MYO3B: variants seen among roughly 807,000 people sequenced by gnomAD.
MYO3B encodes myosin-IIIb.
In MYO3B, 156 loss-of-function variants were observed where a neutral mutation model predicts 174.6. That is an observed-to-expected ratio of 0.89 (90% CI 0.78 to 1.02). The LOEUF (loss-of-function observed/expected upper bound fraction) is 1.02. Among genes scored for constraint, MYO3B ranks in the 50% least tolerant of loss-of-function variants. The pLI is 0.00. For missense variants in MYO3B, 1,632 were observed against 1,639.4 expected (o/e 1.00, Z 0.08); for synonymous variants, 563 against 569.1 (o/e 0.99, Z 0.15).
At position 170,654,145 on chromosome 2, in the gene MYO3B, A is replaced by T. The variant is rs1239650101; in HGVS notation, c.*1024A>T. On this transcript the variant is annotated 3_prime_UTR_variant, in exon 35 of 35. Coordinates refer to ENST00000408978, the MANE Select transcript of MYO3B (RefSeq NM_138995.5). ...ACTATAACCTCTGATTTTTCACTCA[A>T]GTTTGGGCTGATTATATTGTAATGA... The T allele has an allele frequency of 6.6e-6, 1 of 152,190 alleles. No homozygotes were observed. Among genetic ancestry groups the T allele is most frequent in the African/African-American group, 2.4e-5 (1 of 41,464 alleles). The allele number at this position is 152,190 out of a possible 1,614,324, so 9.4% of individuals were successfully genotyped here.
intron 30 of MYO3B, among the ~76,000 whole-genome samples, chr2:170,538,563 G>A (rs542934234): frequency 1.3e-5 from 2 of 152,332 alleles, no homozygotes; most frequent in East Asian, 3.9e-4. Context: ...AGCTACTCAG[G>A]AGCCAGCCTT....
intron 32 of MYO3B, among the ~76,000 whole-genome samples, chr2:170,585,966 GCC>G (rs1693475358): frequency 6.6e-6 from 1 of 152,184 alleles, no homozygotes; most frequent in African/African-American, 2.4e-5. Flanking sequence ...GCTGAGGCAG[GCC>G]AGGGGGAGGT....
At chr2:170,546,616 C>T (rs146054434) in intron 32 of MYO3B, among the ~76,000 whole-genome samples, 1 of 152,304 alleles carries the variant, frequency 6.6e-6, no homozygotes, top group East Asian at 1.9e-4. Context: ...AAATCGAATT[C>T]CCCTTGATCT....
At chr2:170,628,588 G>T (rs1034596685) in intron 32 of MYO3B, among the ~76,000 whole-genome samples, 2 of 152,194 alleles carry the variant, frequency 1.3e-5, no homozygotes, top group African/African-American at 2.4e-5. Flanking sequence ...CGGTACCTCA[G>T]TTGGAAATGC....
At chr2:170,444,528 A>G (rs1265102022) in intron 23 of MYO3B, among the ~76,000 whole-genome samples, 1 of 152,236 alleles carries the variant, frequency 6.6e-6, no homozygotes, top group African/African-American at 2.4e-5. Context: ...TGCTTCGTTA[A>G]TATTCATTGT....
chr2:170,369,513 A>G (rs1334324943), intron 9 of MYO3B, 136 bp downstream of exon 9: 1 of 965,250 alleles, frequency 1.0e-6, no homozygotes, highest in East Asian at 2.6e-5. Context: ...CATGACATTA[A>G]GTACTCCATG....
At position 170,393,511 on chromosome 2, in the gene MYO3B, G is replaced by A. The variant is rs113635515; in HGVS notation, c.1791+1016G>A. Among the ~76,000 whole-genome samples the A allele has an allele frequency of 2.0e-3, 299 of 151,900 alleles. 1 individual carries two copies. Among genetic ancestry groups the A allele is most frequent in the African/African-American group, 6.9e-3 (286 of 41,416 alleles). On this transcript the variant is annotated intron_variant, in intron 16 of 34. Transcript: ENST00000408978. Reference sequence around the variant, plus strand: ...GTGATACATTATGTCATAGTTTCTGGGCTTCATGCCATCAATTTTGCAAAA... The same window carrying A: ...GTGATACATTATGTCATAGTTTCTGAGCTTCATGCCATCAATTTTGCAAAA...
chr2:170,272,239 G>C (rs1424657), intron 7 of MYO3B, among the ~76,000 whole-genome samples: 135,208 of 152,076 alleles, frequency 0.89, 60,466 homozygotes, highest in East Asian at 0.96. Context: ...AACTGGGAGT[G>C]GGGACCAGTG....
In MYO3B at chr2:170,438,677, G is replaced by A. The variant is rs182875415; in HGVS notation, c.2651-5290G>A. On this transcript the variant is annotated intron_variant, in intron 22 of 34. Coordinates refer to ENST00000408978, the MANE Select transcript of MYO3B (RefSeq NM_138995.5). ...TGAGACGGAGTCTTGCTCTGTAGCC[G>A]AAGCTGGAGTGCAGTGGCATGATTT... Among the ~76,000 whole-genome samples, 8 of 151,618 alleles carry A rather than the reference G, an allele frequency of 5.3e-5. No homozygotes were observed. The South Asian group carries it at 1.0e-3, about 20-fold the overall frequency.
intron 32 of MYO3B, among the ~76,000 whole-genome samples, chr2:170,582,096 A>G (rs1369411452): frequency 1.3e-5 from 2 of 152,346 alleles, no homozygotes; most frequent in East Asian, 1.9e-4. Context: ...AAAAAAATAA[A>G]TATCTGCAAG....
chr2:170,404,165 C>A, intron 19 of MYO3B, 82 bp from the exon 20 acceptor site: 1 of 1,402,668 alleles, frequency 7.1e-7, no homozygotes, highest in Non-Finnish European at 9.7e-7. Context: ...TGTTGCTAGA[C>A]CCAGAAAGTC....
chr2:170,522,452 G>C (rs1439312915), intron 30 of MYO3B, among the ~76,000 whole-genome samples: 2 of 152,136 alleles, frequency 1.3e-5, no homozygotes, highest in Non-Finnish European at 2.9e-5. Context: ...ACTCTTTCCT[G>C]GTCCAGGACT....
At chr2:170,477,367 A>G (rs1366288910) in intron 25 of MYO3B, among the ~76,000 whole-genome samples, 1 of 152,100 alleles carries the variant, frequency 6.6e-6, no homozygotes. Flanking sequence ...ATATCTCTGT[A>G]TTAGAACCTA....
intron 7 of MYO3B, among the ~76,000 whole-genome samples, chr2:170,314,119 C>T (rs527321518): frequency 2.0e-5 from 3 of 152,108 alleles, no homozygotes; most frequent in Non-Finnish European, 2.9e-5. Flanking sequence ...CTATTCCTGG[C>T]GCACATCTTT....
chr2:170,635,248 G>A (rs1300582830), intron 32 of MYO3B, among the ~76,000 whole-genome samples: 1 of 152,202 alleles, frequency 6.6e-6, no homozygotes, highest in African/African-American at 2.4e-5. Flanking sequence ...TTAAGAAAAT[G>A]TGGCACATAT....
intron 24 of MYO3B, among the ~76,000 whole-genome samples, chr2:170,466,264 C>G (rs1028628389): frequency 1.3e-5 from 2 of 152,096 alleles, no homozygotes; most frequent in South Asian, 2.1e-4. Flanking sequence ...AGAGCATGTT[C>G]TTAGCTAAGT....
chr2:170,617,981 A>T (rs979026341), intron 32 of MYO3B, among the ~76,000 whole-genome samples: 1 of 152,168 alleles, frequency 6.6e-6, no homozygotes, highest in Non-Finnish European at 1.5e-5. Context: ...TACTGTTTTG[A>T]TCTGCCTTAG....
chr2:170,605,770 G>A (rs1158333137), intron 32 of MYO3B, among the ~76,000 whole-genome samples: 2 of 152,108 alleles, frequency 1.3e-5, no homozygotes, highest in Non-Finnish European at 1.5e-5. Context: ...TGAGGCAGGA[G>A]AATTGCTTGA....
intron 32 of MYO3B, among the ~76,000 whole-genome samples, chr2:170,563,028 G>GCACA (rs1553522551): frequency 3.8e-5 from 2 of 53,132 alleles, no homozygotes; most frequent in Non-Finnish European, 8.7e-5. Flanking sequence ...TGTAAAACAT[G>GCACA]CATACACACA....
Sources: gnomAD v4.1 joint callset for allele counts (sites outside exome capture counted in the v4.1 genomes callset) on GRCh38, gnomAD v4.1.1 for gene constraint, MANE v1.5 for transcripts, NCBI Gene and HGNC (gene_info 2026-07-23, HGNC 2026-07-21) for gene names.